The following BFAR variants were observed in gnomAD, a reference collection of about 807,000 sequenced individuals.
BFAR encodes the protein RING finger protein 47.
In BFAR, 52 loss-of-function variants were observed where a neutral mutation model predicts 54.4. The observed-to-expected ratio is 0.96, with a 90% CI of 0.77 to 1.21. The LOEUF is 1.21. Among genes scored for constraint, BFAR ranks in the 50% most tolerant of loss-of-function variants. BFAR has a pLI of 0.00. For synonymous variants in BFAR, 215 were observed against 204.3 expected (o/e 1.05, Z -0.45); for missense variants, 571 against 534.0 (o/e 1.07, Z -0.68).
rs372593159 is a variant in BFAR, at chr16:14,655,217, A to G, written c.783+7A>G. The G allele has an allele frequency of 4.8e-5, 67 of 1,389,552 alleles. No homozygotes were observed. The African/African-American group carries it at 5.7e-4, about 12-fold the overall frequency. 86.1% of individuals were successfully genotyped at this position (1,389,552 alleles called of 1,614,324 possible). A position where few individuals can be genotyped will look rare whatever the true frequency, so the allele number is the denominator to read the frequency against. On this transcript the variant is annotated splice_region_variant and intron_variant, in intron 5 of 7. Coordinates refer to ENST00000261658, the MANE Select transcript of BFAR (RefSeq NM_016561.3). ...GAATCTCTGGGAATATAAGGTGAACACTTTAATTTTTTTTTTTTTTTTTTA... is the reference window on the plus strand; with the variant it reads ...GAATCTCTGGGAATATAAGGTGAACGCTTTAATTTTTTTTTTTTTTTTTTA...
At chr16:14,661,812 A>C (rs1596992447) in intron 5 of BFAR, 80 bp from the exon 6 acceptor site, 1 of 1,500,932 alleles carries the variant, frequency 6.7e-7, no homozygotes, top group East Asian at 2.3e-5. Flanking sequence ...TGATGGCAAC[A>C]AGCGAGAGAT....
At chr16:14,666,230 C>T (rs992158920) in intron 7 of BFAR, among the ~76,000 whole-genome samples, 2 of 152,172 alleles carry the variant, frequency 1.3e-5, no homozygotes, top group Non-Finnish European at 2.9e-5. Context: ...GGTTTCAGCC[C>T]TACCCAGACC....
At chr16:14,650,420 AT>A (rs1959936368) in intron 4 of BFAR, 1 of 152,854 alleles carries the variant, frequency 6.5e-6, no homozygotes, top group Non-Finnish European at 1.5e-5. Flanking sequence ...AAATAGTGTG[AT>A]TATCACCACA....
rs375012268 is a variant in BFAR at position 14,661,978 on chromosome 16, C to T, written c.870C>T (p.Asp290=). 4 of 1,614,086 alleles carry T rather than the reference C, an allele frequency of 2.5e-6. No homozygotes were observed. The highest frequency in any genetic ancestry group is 3.4e-6 in the Non-Finnish European group (4 of 1,180,048). ...RLSLLYLYLF[D]YTDTFLPFIH... ...GTCTGCTCTACCTGTACCTGTTTGA[C>T]TACACCGACACCTTCCTACCTTTCA... The change falls in exon 6 of 8, where the codon GAC becomes GAT. Residue 290 remains aspartate (D), a synonymous_variant. Coordinates refer to ENST00000261658, the MANE Select transcript of BFAR (RefSeq NM_016561.3).
chr16:14,649,070 CTTTTT>C (rs544187036), intron 3 of BFAR, among the ~76,000 whole-genome samples: 9 of 104,488 alleles, frequency 8.6e-5, no homozygotes, highest in Admixed American at 1.0e-4. Flanking sequence ...ATCTCTTGCT[CTTTTT>C]TTTTTTTTTT....
intron 5 of BFAR, among the ~76,000 whole-genome samples, chr16:14,660,710 G>A (rs1596991351): frequency 6.7e-6 from 1 of 150,322 alleles, no homozygotes; most frequent in East Asian, 2.1e-4. Flanking sequence ...AGACCAGCCT[G>A]GCCAACATAG....
At chr16:14,664,801 GATC>G in intron 6 of BFAR, 65 bp from the exon 7 acceptor site, 1 of 1,484,938 alleles carries the variant, frequency 6.7e-7, no homozygotes, top group Non-Finnish European at 9.4e-7. Context: ...TGCCTAGCCT[GATC>G]ATCACAATAT....
intron 5 of BFAR, among the ~76,000 whole-genome samples, chr16:14,659,757 A>C (rs570179169): frequency 1.4e-5 from 2 of 143,616 alleles, no homozygotes; most frequent in African/African-American, 5.2e-5. Context: ...TCACCGTTTT[A>C]GCCAGGCTGG....
chr16:14,643,340 C>G (rs2151836655), intron 1 of BFAR, among the ~76,000 whole-genome samples: 1 of 151,870 alleles, frequency 6.6e-6, no homozygotes, highest in East Asian at 1.9e-4. Context: ...TAATTGAGAA[C>G]ACTGAGATCA....
chr16:14,644,467 C>A lies in BFAR; in HGVS notation c.121C>A (p.Leu41Met). 1 of 1,614,120 alleles carries A rather than the reference C, an allele frequency of 6.2e-7. No individual in the cohort carries two copies. Among genetic ancestry groups the A allele is most frequent in the Non-Finnish European group, 8.5e-7 (1 of 1,180,024 alleles). ...EFSCHCCYDI[L>M]VNPTTLNCGH... ...TTCTTGCCACTGCTGCTACGACATC[C>A]TGGTTAACCCCACCACCTTGAACTG... The change falls in exon 2 of 8, where the codon CTG becomes ATG. Residue 41 changes from leucine (L) to methionine (M), a missense_variant. Coordinates refer to ENST00000261658, the MANE Select transcript of BFAR (RefSeq NM_016561.3).
At chr16:14,654,776 T>C (rs1960074559) in intron 4 of BFAR, among the ~76,000 whole-genome samples, 2 of 152,210 alleles carry the variant, frequency 1.3e-5, no homozygotes, top group Non-Finnish European at 2.9e-5. Flanking sequence ...ATTATAGGCA[T>C]GAGCCACTGC....
intron 1 of BFAR, chr16:14,633,360 AC>A (rs1245513597): frequency 6.6e-6 from 1 of 152,124 alleles, no homozygotes; most frequent in Non-Finnish European, 1.5e-5. Flanking sequence ...GCTTCCAAAC[AC>A]CTTGGAGGGG....
rs1960321946 is a variant in BFAR, at chr16:14,662,636, C to T, written c.957+571C>T. On this transcript the variant is annotated intron_variant, in intron 6 of 7. Transcript: ENST00000261658. ...CTGGGCTCAAGCGATCTTCACACCT[C>T]AGCCTCCCAAGTAGCTGGGACTACA... Among the ~76,000 whole-genome samples, 5 of 152,292 alleles carry T rather than the reference C, an allele frequency of 3.3e-5. No individual in the cohort carries two copies. The South Asian group carries it at 1.0e-3, about 32-fold the overall frequency.
In BFAR at chr16:14,648,531, C is replaced by G. The variant is rs1045706654; in HGVS notation, c.407C>G (p.Ala136Gly). ...CCTTTAGCTCCTAACACAGGCCGAG[C>G]GAATCAGCAGATGGGAGGGGGATTC... is the stretch of plus-strand genomic sequence containing the variant. ...QIPLAPNTGR[A>G]NQQMGGGFFS... Residue 136 changes from alanine to glycine, a missense_variant, in exon 3 of 8, where the codon GCG becomes GGG. Physicochemically the swap from Ala to Gly is moderately conservative, Grantham distance 60 (BLOSUM62 0). Transcript: ENST00000261658. 1.9e-6 allele frequency: 3 copies of G among 1,613,960 alleles called. No individual in the cohort carries two copies. The highest frequency in any genetic ancestry group is 2.5e-6 in the Non-Finnish European group (3 of 1,179,936).
In BFAR at chr16:14,649,861, C is replaced by G. The variant is rs779948887; in HGVS notation, c.526C>G (p.His176Asp). 1 of 1,613,260 alleles carries G rather than the reference C, an allele frequency of 6.2e-7. No individual in the cohort carries two copies. Among genetic ancestry groups the G allele is most frequent in the South Asian group, 1.1e-5 (1 of 90,822 alleles). ...SRESEHDLLV[H>D]KAVAKWTAEE... ...GGAATCTGAACACGACCTCCTGGTC[C>G]ACAAGGCTGTGGCCAAATGGACGGC... The change falls in exon 4 of 8, where the codon CAC becomes GAC. Residue 176 changes from histidine to aspartate, a missense_variant. Physicochemically the swap from His to Asp is moderately conservative, Grantham distance 81 (BLOSUM62 -1). Transcript: ENST00000261658.
chr16:14,635,544 C>T (rs1266685282), intron 1 of BFAR, among the ~76,000 whole-genome samples: 1 of 152,066 alleles, frequency 6.6e-6, no homozygotes. Flanking sequence ...CAGGCTCCAG[C>T]GAGAGCCAGG....
At chr16:14,648,827 A>G (rs1345904572) in intron 3 of BFAR, among the ~76,000 whole-genome samples, 1 of 152,138 alleles carries the variant, frequency 6.6e-6, no homozygotes, top group Non-Finnish European at 1.5e-5. Context: ...ACTGGAATTC[A>G]AGACCATGTC....
intron 1 of BFAR, among the ~76,000 whole-genome samples, chr16:14,642,593 G>T (rs1596969048): frequency 4.6e-5 from 7 of 152,260 alleles, no homozygotes; most frequent in Admixed American, 2.6e-4. Flanking sequence ...GATCCAGAGG[G>T]CATGAGATGC....
chr16:14,648,992 A>G (rs1158714973), intron 3 of BFAR, among the ~76,000 whole-genome samples: 1 of 151,826 alleles, frequency 6.6e-6, no homozygotes, highest in African/African-American at 2.4e-5. Context: ...ATGATGACAC[A>G]TATTTGTGAA....
Sources: allele counts gnomAD v4.1 joint callset (sites outside exome capture counted in the v4.1 genomes callset), GRCh38; gene constraint gnomAD v4.1.1; transcripts MANE v1.5; gene names NCBI Gene and HGNC (gene_info 2026-07-23, HGNC 2026-07-21).